The following GLB1 variants were observed in gnomAD, a reference collection of about 807,000 sequenced individuals.
GLB1 encodes beta-galactosidase.
In GLB1, 56 loss-of-function variants were observed where a neutral mutation model predicts 74.0. That is an observed-to-expected ratio of 0.76 (90% CI 0.61 to 0.94). The LOEUF is 0.94. Among genes scored for constraint, GLB1 ranks in the 40% least tolerant of loss-of-function variants. The pLI, the probability that GLB1 is intolerant of heterozygous loss-of-function variation, is 0.00. For missense variants in GLB1, 787 were observed against 845.5 expected, an observed-to-expected ratio of 0.93 and a Z score of 0.86; for synonymous variants, 323 against 323.6, an observed-to-expected ratio of 1.00 and a Z score of 0.02.
the GLB1 span, among the ~76,000 whole-genome samples, chr3:32,966,413 G>A: frequency 1.3e-5 from 2 of 152,120 alleles, no homozygotes; most frequent in African/African-American, 2.4e-5. Flanking sequence ...TGTTTTGGCC[G>A]ATTTCTCCCA....
chr3:32,989,066 TTGAG>T, the GLB1 span, among the ~76,000 whole-genome samples: 2 of 152,214 alleles, frequency 1.3e-5, no homozygotes, highest in East Asian at 1.9e-4. Flanking sequence ...AGAGAGTTTC[TTGAG>T]TATTTTACCA....
intron 9 of GLB1, among the ~76,000 whole-genome samples, chr3:33,050,243 C>T (rs145332546): frequency 1.0e-3 from 155 of 152,278 alleles, no homozygotes; most frequent in Middle Eastern, 3.4e-3. Flanking sequence ...TATGGCAGTT[C>T]CTGAAACTCT....
chr3:33,090,862 A>G (rs1213782875), intron 1 of GLB1: 8 of 985,446 alleles, frequency 8.1e-6, no homozygotes, highest in Non-Finnish European at 9.6e-6. Flanking sequence ...AGAGTGGATG[A>G]AGGGTACATA....
At chr3:32,980,256 T>C in the GLB1 span, among the ~76,000 whole-genome samples, 1 of 152,264 alleles carries the variant, frequency 6.6e-6, no homozygotes, top group Non-Finnish European at 1.5e-5. Flanking sequence ...CTTGCTATGT[T>C]GTTCAGGCTT....
chr3:33,021,474 GC>G (rs1575417591), intron 12 of GLB1, 91 bp downstream of exon 12: 1 of 1,355,412 alleles, frequency 7.4e-7, no homozygotes, highest in East Asian at 2.4e-5. Context: ...TACCATTTTG[GC>G]CCCTGAATTC....
At chr3:33,016,565 TG>T in intron 14 of GLB1, 143 bp downstream of exon 14, 1 of 1,405,790 alleles carries the variant, frequency 7.1e-7, no homozygotes, top group Non-Finnish European at 9.8e-7. Flanking sequence ...TTACCCAGGC[TG>T]GTCTTGAACT....
intron 9 of GLB1, among the ~76,000 whole-genome samples, chr3:33,048,752 T>C (rs1321282744): frequency 6.6e-6 from 1 of 152,054 alleles, no homozygotes; most frequent in Non-Finnish European, 1.5e-5. Context: ...GGCTCCAGGG[T>C]GCAAAGGGTG....
At chr3:33,069,065 A>G in intron 2 of GLB1, 95 bp from the exon 3 acceptor site, 3 of 1,603,340 alleles carry the variant, frequency 1.9e-6, no homozygotes, top group Non-Finnish European at 2.6e-6. Context: ...TTGCTAACAC[A>G]TGGATAAGAG....
At chr3:33,074,400 G>GAAAGAAAGAAAGAAAGAAAGAAAGA in intron 1 of GLB1, among the ~76,000 whole-genome samples, 1 of 141,950 alleles carries the variant, frequency 7.0e-6, no homozygotes, top group East Asian at 2.0e-4. Flanking sequence ...AAGAAAGAAA[G>GAAAGAAAGAAAGAAAGAAAGAAAGA]AAAGAAAGAA....
chr3:33,054,428 A>T (rs970512150), intron 6 of GLB1, among the ~76,000 whole-genome samples: 1 of 152,004 alleles, frequency 6.6e-6, no homozygotes, highest in Non-Finnish European at 1.5e-5. Context: ...AGTTCCCTTC[A>T]CAGGCCTGTC....
chr3:33,032,027 A>G (rs1698067887), intron 10 of GLB1, among the ~76,000 whole-genome samples: 1 of 151,984 alleles, frequency 6.6e-6, no homozygotes, highest in African/African-American at 2.4e-5. Context: ...CGAACTCCTG[A>G]CCTCAGGTGA....
chr3:33,059,092 A>G (rs1350982806), intron 5 of GLB1, among the ~76,000 whole-genome samples: 2 of 152,238 alleles, frequency 1.3e-5, no homozygotes, highest in East Asian at 1.9e-4. Context: ...AAGCCCCACA[A>G]TGAAGAATTA....
At chr3:33,058,894 C>T (rs1220367006) in intron 5 of GLB1, among the ~76,000 whole-genome samples, 1 of 152,226 alleles carries the variant, frequency 6.6e-6, no homozygotes, top group Non-Finnish European at 1.5e-5. Flanking sequence ...CCTGCTGTCA[C>T]ACACACACCG....
intron 9 of GLB1, 108 bp from the exon 10 acceptor site, chr3:33,046,340 A>G: frequency 7.7e-7 from 1 of 1,304,042 alleles, no homozygotes; most frequent in Non-Finnish European, 1.1e-6. Context: ...TAGAAGACAC[A>G]TTAAAACCAC....
chr3:32,977,208 A>ATTT, the GLB1 span, among the ~76,000 whole-genome samples: 7 of 140,140 alleles, frequency 5.0e-5, no homozygotes, highest in East Asian at 2.1e-4. Flanking sequence ...CCTCATCTAG[A>ATTT]TTTTTTTTTT....
At chr3:32,983,436 A>G in the GLB1 span, among the ~76,000 whole-genome samples, 1 of 152,164 alleles carries the variant, frequency 6.6e-6, no homozygotes, top group Non-Finnish European at 1.5e-5. Flanking sequence ...TTGCAGTTTC[A>G]AAAGTGCTAT....
chr3:33,073,153 C>T (rs1363793182), intron 1 of GLB1, among the ~76,000 whole-genome samples: 1 of 152,062 alleles, frequency 6.6e-6, no homozygotes, highest in Non-Finnish European at 1.5e-5. Context: ...GTGTAAAATA[C>T]AGGGCAAAAA....
In GLB1 at chr3:33,051,921, G is replaced by C. The variant is rs1699010204; in HGVS notation, c.876C>G (p.Ser292=). The C allele has an allele frequency of 3.7e-6, 6 of 1,614,084 alleles. No individual in the cohort carries two copies. In the Admixed American group the frequency reaches 1.0e-4, roughly 27 times the overall value. ...STIKTEAVAS[S]LYDILARGAS... ...CCCCACGGGCAAGTATATCATAGAGGGAGGAAGCCACTGCTTCGGTCTTGA... is the reference window on the plus strand; with the variant it reads ...CCCCACGGGCAAGTATATCATAGAGCGAGGAAGCCACTGCTTCGGTCTTGA... The change falls in exon 8 of 16, where the codon TCC becomes TCG. Residue 292 remains serine, a synonymous_variant. Transcript: ENST00000307363.
intron 1 of GLB1, chr3:33,091,563 TG>T: frequency 1.0e-6 from 1 of 985,512 alleles, no homozygotes; most frequent in Non-Finnish European, 1.2e-6. Flanking sequence ...GAGTGTTTAC[TG>T]TGCACGCTGT....
Sources: gnomAD v4.1 joint callset for allele counts (sites outside exome capture counted in the v4.1 genomes callset) on GRCh38, gnomAD v4.1.1 for gene constraint, MANE v1.5 for transcripts, NCBI Gene and HGNC (gene_info 2026-07-23, HGNC 2026-07-21) for gene names.